The following SPINK2 variants were observed in gnomAD, a reference collection of about 807,000 sequenced individuals.
SPINK2 encodes the protein serine protease inhibitor Kazal-type 2.
SPINK2 carries 8 observed loss-of-function variants against 13.5 expected under a neutral mutation model. The ratio of observed to expected loss-of-function variants is 0.59; its 90% CI spans 0.35 to 1.07. SPINK2 has a LOEUF of 1.07. Among genes scored for constraint, SPINK2 ranks in the 50% least tolerant of loss-of-function variants. The pLI, the probability that SPINK2 is intolerant of heterozygous loss-of-function variation, is 0.02. For synonymous variants in SPINK2, 76 were observed against 74.7 expected (o/e 1.02, Z -0.09); for missense variants, 148 against 180.3 (o/e 0.82, Z 1.03).
At chr4:56,816,362 A>G (rs975071600) in intron 2 of SPINK2, among the ~76,000 whole-genome samples, 1 of 151,992 alleles carries the variant, frequency 6.6e-6, no homozygotes, top group African/African-American at 2.4e-5. Flanking sequence ...CTCTACTAAA[A>G]AAATATAGGC....
At chr4:56,817,120 T>C (rs1272018485) in intron 2 of SPINK2, among the ~76,000 whole-genome samples, 1 of 152,066 alleles carries the variant, frequency 6.6e-6, no homozygotes, top group Non-Finnish European at 1.5e-5. Flanking sequence ...GAGAATTGCT[T>C]GAACCCAGGA....
At chr4:56,810,267 T>C in intron 3 of SPINK2, 83 bp from the exon 4 acceptor site, 2 of 1,087,856 alleles carry the variant, frequency 1.8e-6, no homozygotes, top group East Asian at 2.5e-5. Context: ...AAGACCCATG[T>C]AGATAGATAT....
At chr4:56,819,940 A>C (rs2109450713) in intron 2 of SPINK2, among the ~76,000 whole-genome samples, 1 of 152,206 alleles carries the variant, frequency 6.6e-6, no homozygotes. Flanking sequence ...TTTGATTACT[A>C]ACTGACAGCT....
chr4:56,811,629 G>GAAA, intron 3 of SPINK2, 56 bp downstream of exon 3: 1 of 1,162,576 alleles, frequency 8.6e-7, no homozygotes, highest in Non-Finnish European at 1.2e-6. Context: ...AAAAAAAGAA[G>GAAA]AAAAAAAAAG....
intron 2 of SPINK2, among the ~76,000 whole-genome samples, chr4:56,814,415 A>G (rs1429421007): frequency 6.6e-6 from 1 of 152,036 alleles, no homozygotes; most frequent in African/African-American, 2.4e-5. Context: ...TCACTCATTT[A>G]CAGATGTTAC....
chr4:56,820,622 G>A, intron 1 of SPINK2, 43 bp from the exon 2 acceptor site: 8 of 1,488,872 alleles, frequency 5.4e-6, no homozygotes, highest in Non-Finnish European at 7.4e-6. Flanking sequence ...TAGGATCAAG[G>A]TAAGGTATTG....
At chr4:56,812,705 T>C (rs1478012202) in intron 2 of SPINK2, among the ~76,000 whole-genome samples, 1 of 152,044 alleles carries the variant, frequency 6.6e-6, no homozygotes, top group Non-Finnish European at 1.5e-5. Flanking sequence ...AATCTCCATG[T>C]GGATGTTTAT....
chr4:56,813,962 C>T (rs1289870070), intron 2 of SPINK2, among the ~76,000 whole-genome samples: 1 of 128,626 alleles, frequency 7.8e-6, no homozygotes, highest in African/African-American at 3.0e-5. Context: ...CTCACTCTGT[C>T]GCCCAGGCTG....
chr4:56,820,655 TA>T, intron 1 of SPINK2, 76 bp from the exon 2 acceptor site: 3 of 1,213,804 alleles, frequency 2.5e-6, no homozygotes, highest in Admixed American at 2.0e-5. Context: ...TTTTTTTTTT[TA>T]AATGAAGTCT....
chr4:56,819,616 TTC>T lies in SPINK2; in HGVS notation c.249+918_249+919del, dbSNP rs1491587516. 9.2e-4 allele frequency among the ~76,000 whole-genome samples: 79 copies of T among 85,860 alleles called. 2 individuals carry two copies. Among genetic ancestry groups the T allele is most frequent in the East Asian group, 6.2e-3 (9 of 1,454 alleles). The allele number at this position is 85,860 out of a possible 152,430, so 56.3% of individuals were successfully genotyped here. ...CAAAATGGCTAGGACTTTTTTTTCT[TTC>T]TTTTTTTTTTTTTTTGAGATGAAGT... is the stretch of plus-strand genomic sequence containing the variant. On this transcript the variant is annotated intron_variant, in intron 2 of 3. Coordinates refer to ENST00000506738, the MANE Select transcript of SPINK2 (RefSeq NM_001271718.2).
chr4:56,816,321 G>A (rs1337772661), intron 2 of SPINK2, among the ~76,000 whole-genome samples: 1 of 152,016 alleles, frequency 6.6e-6, no homozygotes, highest in African/African-American at 2.4e-5. Context: ...GGAGTGCTGG[G>A]ATCAGCCTGG....
rs147060711 is a variant in SPINK2, at chr4:56,819,238, T to C, written c.249+1298A>G. Reference sequence around the variant, plus strand: ...CAGAGAAAGTGTGTGTGTATACATATCTACATCTCTAGAGGAAGGGAATCG... The same window carrying C: ...CAGAGAAAGTGTGTGTGTATACATACCTACATCTCTAGAGGAAGGGAATCG... On this transcript the variant is annotated intron_variant, in intron 2 of 3. Coordinates refer to ENST00000506738, the MANE Select transcript of SPINK2 (RefSeq NM_001271718.2). Among the ~76,000 whole-genome samples, 108 of 152,282 alleles carry C rather than the reference T, an allele frequency of 7.1e-4. 1 individual carries two copies. In the East Asian group the frequency reaches 0.02, roughly 28 times the overall value.
chr4:56,820,081 A>G (rs929239806), intron 2 of SPINK2, among the ~76,000 whole-genome samples: 3 of 152,034 alleles, frequency 2.0e-5, no homozygotes, highest in African/African-American at 7.2e-5. Context: ...ACAGCCTCCA[A>G]TCAGGCCATA....
intron 2 of SPINK2, among the ~76,000 whole-genome samples, chr4:56,819,763 G>A (rs558995317): frequency 5.9e-5 from 9 of 152,088 alleles, no homozygotes; most frequent in Admixed American, 1.3e-4. Context: ...TTACAGGCAC[G>A]TGCCATGATG....
intron 1 of SPINK2, among the ~76,000 whole-genome samples, chr4:56,821,033 G>A (rs1009020711): frequency 6.6e-6 from 1 of 152,200 alleles, no homozygotes; most frequent in Non-Finnish European, 1.5e-5. Flanking sequence ...TCTCAAGCGA[G>A]CCTCCCGCCT....
intron 2 of SPINK2, among the ~76,000 whole-genome samples, chr4:56,813,865 C>T (rs1037037351): frequency 4.6e-5 from 7 of 151,432 alleles, no homozygotes; most frequent in African/African-American, 1.2e-4. Context: ...GTGATCTGCC[C>T]GCCTCAGCCT....
In SPINK2 at chr4:56,811,647, G is replaced by A. The variant is rs781151915; in HGVS notation, c.359+38C>T. 9.1e-6 allele frequency: 12 copies of A among 1,316,438 alleles called. No homozygotes were observed. The South Asian group carries it at 1.5e-4, about 17-fold the overall frequency. 81.5% of individuals were successfully genotyped at this position (1,316,438 alleles called of 1,614,324 possible). Reference sequence around the variant, plus strand: ...AAAAGAAGAAAAAAAAAGAAATGAAGAAAACTTGGCTAGTCTACAGCTGTA... The same window carrying A: ...AAAAGAAGAAAAAAAAAGAAATGAAAAAAACTTGGCTAGTCTACAGCTGTA... On this transcript the variant is annotated intron_variant, in intron 3 of 3. Transcript: ENST00000506738.
At position 56,819,581 on chromosome 4, in the gene SPINK2, AC is replaced by A. The variant is rs574093562; in HGVS notation, c.249+954del. ...AGGAAGCAAAACAATAACCCCTTTAACAATCAGCCCAAAATGGCTAGGACTT... is the reference window on the plus strand; with the variant it reads ...AGGAAGCAAAACAATAACCCCTTTAAAATCAGCCCAAAATGGCTAGGACTT... On this transcript the variant is annotated intron_variant, in intron 2 of 3. Coordinates refer to ENST00000506738, the MANE Select transcript of SPINK2 (RefSeq NM_001271718.2). Among the ~76,000 whole-genome samples, 72 of 151,626 alleles carry A rather than the reference AC, an allele frequency of 4.7e-4. No homozygotes were observed. The Middle Eastern group carries it at 0.01, about 22-fold the overall frequency.
Position 56,812,176 on chromosome 4 carries a change from G to A in SPINK2, c.250-382C>T, listed in dbSNP as rs146366058. On this transcript the variant is annotated intron_variant, in intron 2 of 3. Transcript: ENST00000506738. ...CCCAAAGTGCTAGGATTACAGGCGT[G>A]AGCCACTGCGCCTGGCAAAAAAAAA... Among the ~76,000 whole-genome samples, 159 of 151,128 alleles carry A rather than the reference G, an allele frequency of 1.1e-3. 5 individuals are homozygous for A. The East Asian group carries it at 0.029, about 28-fold the overall frequency.
Sources: allele counts gnomAD v4.1 joint callset (sites outside exome capture counted in the v4.1 genomes callset), GRCh38; gene constraint gnomAD v4.1.1; transcripts MANE v1.5; gene names NCBI Gene and HGNC (gene_info 2026-07-23, HGNC 2026-07-21).